The following PUM1 variants were observed in gnomAD, a reference collection of about 807,000 sequenced individuals.
PUM1 encodes pumilio RNA binding family member 1.
In PUM1, 13 loss-of-function variants were observed where a neutral mutation model predicts 131.8. The observed-to-expected ratio is 0.10, with a 90% CI of 0.06 to 0.16. PUM1 has a LOEUF of 0.16. PUM1 is among the 10% of genes least tolerant of loss of function. The pLI is 1.00. For synonymous variants in PUM1, 509 were observed against 556.5 expected, an observed-to-expected ratio of 0.91 and a Z score of 1.20; for missense variants, 961 against 1,512.4, an observed-to-expected ratio of 0.64 and a Z score of 6.05.
chr1:30,983,584 C>T (rs115570343), intron 7 of PUM1, among the ~76,000 whole-genome samples: 216 of 152,130 alleles, frequency 1.4e-3, no homozygotes, highest in African/African-American at 5.0e-3. Flanking sequence ...TTCCATCTGA[C>T]TTAACCTCAC....
chr1:31,052,426 G>C (rs916870026), intron 2 of PUM1, among the ~76,000 whole-genome samples: 1 of 150,836 alleles, frequency 6.6e-6, no homozygotes, highest in East Asian at 1.9e-4. Flanking sequence ...TCTTTTCAAA[G>C]AGACAGGATC....
intron 1 of PUM1, among the ~76,000 whole-genome samples, chr1:31,060,145 G>A (rs1644336097): frequency 6.9e-6 from 1 of 145,190 alleles, no homozygotes; most frequent in Admixed American, 6.8e-5. Context: ...ACCGCGCCCA[G>A]CCCCAAAAGC....
intron 10 of PUM1, among the ~76,000 whole-genome samples, chr1:30,969,409 T>G (rs1350342457): frequency 2.7e-5 from 4 of 150,766 alleles, no homozygotes; most frequent in African/African-American, 9.8e-5. Flanking sequence ...TACCCACACA[T>G]TTAAAGTCAA....
At chr1:30,998,223 A>T (rs1213235119) in intron 5 of PUM1, among the ~76,000 whole-genome samples, 4 of 152,226 alleles carry the variant, frequency 2.6e-5, no homozygotes, top group African/African-American at 9.6e-5. Flanking sequence ...TTTACTTAAA[A>T]GAAAAAAGAA....
At chr1:30,951,149 A>T (rs1639918262) in intron 16 of PUM1, among the ~76,000 whole-genome samples, 1 of 152,196 alleles carries the variant, frequency 6.6e-6, no homozygotes, top group African/African-American at 2.4e-5. Context: ...CATTCTCCCA[A>T]GGGAAACTAA....
At chr1:30,938,253 A>C (rs571614388) in intron 20 of PUM1, among the ~76,000 whole-genome samples, 52 of 151,718 alleles carry the variant, frequency 3.4e-4, no homozygotes, top group African/African-American at 1.2e-3. Flanking sequence ...TTTTTCCACC[A>C]TTTGAAAAAA....
At chr1:30,936,526 G>C in intron 21 of PUM1, 117 bp downstream of exon 21, 3 of 1,010,024 alleles carry the variant, frequency 3.0e-6, no homozygotes, top group Non-Finnish European at 4.3e-6. Flanking sequence ...CACAGCATGG[G>C]ACAGAGGTCA....
intron 2 of PUM1, among the ~76,000 whole-genome samples, chr1:31,047,363 G>C (rs1368783839): frequency 6.6e-6 from 1 of 151,934 alleles, no homozygotes; most frequent in Non-Finnish European, 1.5e-5. Flanking sequence ...AAAAAAAAAA[G>C]ATGATTTACC....
intron 2 of PUM1, among the ~76,000 whole-genome samples, chr1:31,039,856 G>A (rs1643763839): frequency 6.6e-6 from 1 of 151,846 alleles, no homozygotes; most frequent in Admixed American, 6.6e-5. Context: ...ACAGAAAGCT[G>A]AGATGCTGCC....
intron 14 of PUM1, among the ~76,000 whole-genome samples, chr1:30,955,039 A>C (rs1640091747): frequency 6.6e-6 from 1 of 152,100 alleles, no homozygotes; most frequent in South Asian, 2.1e-4. Flanking sequence ...ACTCCACTCC[A>C]GTCTAGGCAA....
At chr1:30,985,807 T>C (rs1557570999) in intron 7 of PUM1, among the ~76,000 whole-genome samples, 1 of 152,158 alleles carries the variant, frequency 6.6e-6, no homozygotes, top group Non-Finnish European at 1.5e-5. Flanking sequence ...AGCTATGTAG[T>C]TGAATTTGAA....
Position 30,974,749 on chromosome 1 carries a change from G to T in PUM1, c.1408C>A (p.Pro470Thr). 1 of 1,612,994 alleles carries T rather than the reference G, an allele frequency of 6.2e-7. No homozygotes were observed. Among genetic ancestry groups the T allele is most frequent in the Non-Finnish European group, 8.5e-7 (1 of 1,179,828 alleles). The change falls in exon 10 of 22, where the codon CCT (proline) becomes ACT (threonine). Residue 470 changes from proline to threonine, a missense_variant. This residue lies in a region of PUM1 where 654 missense variants were observed against 923.9 expected (regional missense o/e 0.71). Transcript: ENST00000426105. ...GCTTGCTGCTGGAAAAGACTGGCAG[G>T]GTAGACTCCCCAGGGAGTAACTCCA... ...YYGVTPWGVYPASLFQQQAAA... is the reference protein window; with the variant it reads ...YYGVTPWGVYTASLFQQQAAA...
At chr1:31,022,807 CA>C (rs1468173767) in intron 3 of PUM1, among the ~76,000 whole-genome samples, 1 of 151,984 alleles carries the variant, frequency 6.6e-6, no homozygotes, top group African/African-American at 2.4e-5. Flanking sequence ...AACAAGATGT[CA>C]AAAAAATACC....
In PUM1 at chr1:30,998,730, T is replaced by C. The variant is rs558147651; in HGVS notation, c.721-3510A>G. On this transcript the variant is annotated intron_variant, in intron 5 of 21. Transcript: ENST00000426105. ...GCTCTCCTGAAGTTTGAGATTCCTA[T>C]GGGGAATACTACCAAAAATTTACAG... 4.6e-5 allele frequency among the ~76,000 whole-genome samples: 7 copies of C among 152,312 alleles called. No individual in the cohort carries two copies. The East Asian group carries it at 1.4e-3, about 29-fold the overall frequency.
intron 3 of PUM1, among the ~76,000 whole-genome samples, chr1:31,014,369 A>T (rs1327545662): frequency 6.6e-6 from 1 of 151,228 alleles, no homozygotes; most frequent in Non-Finnish European, 1.5e-5. Context: ...TCGAGGCTGG[A>T]TGCAGTGGCT....
chr1:30,998,212 G>C (rs944239034), intron 5 of PUM1, among the ~76,000 whole-genome samples: 5 of 152,018 alleles, frequency 3.3e-5, no homozygotes, highest in African/African-American at 2.4e-5. Context: ...TCAATATAAA[G>C]TTTACTTAAA....
At chr1:30,996,619 G>A (rs1158334431) in intron 5 of PUM1, among the ~76,000 whole-genome samples, 1 of 152,188 alleles carries the variant, frequency 6.6e-6, no homozygotes, top group African/African-American at 2.4e-5. Flanking sequence ...GCTTCATGTG[G>A]CATCAAAACA....
chr1:30,954,925 T>G (rs1640087043), intron 14 of PUM1, among the ~76,000 whole-genome samples: 1 of 151,838 alleles, frequency 6.6e-6, no homozygotes, highest in African/African-American at 2.4e-5. Flanking sequence ...AAAAATTAGC[T>G]GGGTGTGGTG....
chr1:30,981,539 A>T, intron 7 of PUM1, 134 bp from the exon 8 acceptor site: 1 of 531,882 alleles, frequency 1.9e-6, no homozygotes, highest in Non-Finnish European at 3.4e-6. Flanking sequence ...CTCACACTCT[A>T]CTTCATTCCC....
Sources: allele counts gnomAD v4.1 joint callset (sites outside exome capture counted in the v4.1 genomes callset), GRCh38; gene constraint gnomAD v4.1.1; regional missense constraint gnomAD v4.1.1; transcripts MANE v1.5; gene names NCBI Gene and HGNC (gene_info 2026-07-23, HGNC 2026-07-21).